Variants in RNF130 observed in about 807,000 individuals in gnomAD.
RNF130 encodes the protein ring finger protein 130.
A neutral mutation model predicts 44.6 loss-of-function variants in RNF130; 21 were observed. That is an observed-to-expected ratio of 0.47 (90% CI 0.33 to 0.68). The LOEUF (loss-of-function observed/expected upper bound fraction) is 0.68. Ranked by LOEUF, RNF130 falls within the 30% of genes least tolerant of loss-of-function variation. The pLI, the probability that RNF130 is intolerant of heterozygous loss-of-function variation, is 0.02. For synonymous variants in RNF130, 214 were observed against 210.4 expected (o/e 1.02, Z -0.15); for missense variants, 479 against 560.6 (o/e 0.85, Z 1.47).
intron 1 of RNF130, among the ~76,000 whole-genome samples, chr5:180,044,532 C>T (rs75377277): frequency 0.017 from 2,580 of 152,186 alleles, 79 homozygotes; most frequent in African/African-American, 0.06. Flanking sequence ...TTGCTCTTGA[C>T]TCTTAAAGAG....
chr5:180,058,322 A>G (rs1411837509), intron 1 of RNF130, among the ~76,000 whole-genome samples: 1 of 152,190 alleles, frequency 6.6e-6, no homozygotes, highest in Non-Finnish European at 1.5e-5. Context: ...GCTGGTAAAA[A>G]TGTGTGCTAA....
rs568168663 is a variant in RNF130, at chr5:180,030,574, T to G, written c.442+9879A>C. On this transcript the variant is annotated intron_variant, in intron 2 of 8. Transcript: ENST00000521389. ...TTTTTAAAAGATGGGGGTTTTGCTG[T>G]GTTGCCCAGGCTTAGACTTGACCTC... Among the ~76,000 whole-genome samples, 59 of 152,302 alleles carry G rather than the reference T, an allele frequency of 3.9e-4. 1 individual carries two copies. The South Asian group carries it at 0.012, about 31-fold the overall frequency.
chr5:180,055,492 C>T (rs1261759907), intron 1 of RNF130, among the ~76,000 whole-genome samples: 1 of 151,462 alleles, frequency 6.6e-6, no homozygotes, highest in African/African-American at 2.4e-5. Context: ...GCGTATGTGT[C>T]TGTGTGTCTG....
chr5:180,052,396 C>A (rs1764707527), intron 1 of RNF130, among the ~76,000 whole-genome samples: 1 of 152,174 alleles, frequency 6.6e-6, no homozygotes, highest in African/African-American at 2.4e-5. Context: ...TGTTGGAAAC[C>A]AAGTGGCCAT....
chr5:179,912,411 T>G (rs989500782), exon 8 of RNF130: 3 of 152,254 alleles, frequency 2.0e-5, no homozygotes, highest in Non-Finnish European at 2.9e-5. Flanking sequence ...AGTTTTCTTT[T>G]TAGACAGAGT....
In RNF130 at chr5:180,038,194, A is replaced by G. The variant is rs1042664793; in HGVS notation, c.442+2259T>C. 3.3e-5 allele frequency among the ~76,000 whole-genome samples: 5 copies of G among 151,998 alleles called. No homozygotes were observed. The South Asian group carries it at 1.0e-3, about 32-fold the overall frequency. ...CCAAGCCGCCCAAGCAGCTGGGACTACAGGAATGCACCATCACACCTGCTA... is the reference window on the plus strand; with the variant it reads ...CCAAGCCGCCCAAGCAGCTGGGACTGCAGGAATGCACCATCACACCTGCTA... On this transcript the variant is annotated intron_variant, in intron 2 of 8. Transcript: ENST00000521389.
intron 1 of RNF130, among the ~76,000 whole-genome samples, chr5:180,052,262 T>C (rs1040616402): frequency 3.9e-5 from 6 of 152,236 alleles, no homozygotes; most frequent in Non-Finnish European, 8.8e-5. Flanking sequence ...ACCTGCCTGC[T>C]TGACATTTCT....
chr5:179,956,267 T>A (rs938950871), intron 8 of RNF130: 1 of 152,588 alleles, frequency 6.6e-6, no homozygotes, highest in Non-Finnish European at 1.5e-5. Context: ...TTCCTGCTCA[T>A]TTCCAGGGTC....
At position 180,013,461 on chromosome 5, in the gene RNF130, C is replaced by G; in HGVS notation, c.443-150G>C. On this transcript the variant is annotated intron_variant, in intron 2 of 8. Coordinates refer to ENST00000521389, the MANE Select transcript of RNF130 (RefSeq NM_018434.6). ...CTTCTCAACTGAAATGTAGATGCAGCTGGGTATGCTGGCACCAAGTAGGAA... is the reference window on the plus strand; with the variant it reads ...CTTCTCAACTGAAATGTAGATGCAGGTGGGTATGCTGGCACCAAGTAGGAA... 6 of 676,846 alleles carry G rather than the reference C, an allele frequency of 8.9e-6. No individual in the cohort carries two copies. In the South Asian group the frequency reaches 1.2e-4, roughly 14 times the overall value. 41.9% of individuals were successfully genotyped at this position (676,846 alleles called of 1,614,324 possible).
chr5:179,941,548 G>GCT (rs1761968689), intron 7 of RNF130, among the ~76,000 whole-genome samples: 1 of 151,972 alleles, frequency 6.6e-6, no homozygotes, highest in Non-Finnish European at 1.5e-5. Context: ...GACTGCTTGA[G>GCT]CTCTCCTTCT....
rs536331503 is a variant in RNF130 at position 180,016,334 on chromosome 5, GC to G, written c.443-3024del. Among the ~76,000 whole-genome samples the G allele has an allele frequency of 1.5e-4, 10 of 68,556 alleles. No individual in the cohort carries two copies. The East Asian group carries it at 3.6e-3, about 25-fold the overall frequency. 45.0% of individuals were successfully genotyped at this position (68,556 alleles called of 152,430 possible). A position where few individuals can be genotyped will look rare whatever the true frequency, so the allele number is the denominator to read the frequency against. ...ACTTTTAAGGATCTGAGGAGCTCTG[GC>G]CCAGTTTCACGCCAAAGGAAATGTA... is the stretch of plus-strand genomic sequence containing the variant. On this transcript the variant is annotated intron_variant, in intron 2 of 8. Transcript: ENST00000521389.
At chr5:180,018,219 AG>A (rs1212201768) in intron 2 of RNF130, among the ~76,000 whole-genome samples, 3 of 151,726 alleles carry the variant, frequency 2.0e-5, no homozygotes, top group Non-Finnish European at 4.4e-5. Context: ...TGCTTGAACA[AG>A]GGTGGTGGAG....
chr5:179,941,713 T>G (rs1242436208), intron 7 of RNF130, among the ~76,000 whole-genome samples: 1 of 152,236 alleles, frequency 6.6e-6, no homozygotes, highest in Non-Finnish European at 1.5e-5. Context: ...TGATAGCTCT[T>G]TAATTTCTTA....
intron 1 of RNF130, among the ~76,000 whole-genome samples, chr5:180,053,124 A>G (rs1336863542): frequency 6.6e-6 from 1 of 152,226 alleles, no homozygotes; most frequent in Non-Finnish European, 1.5e-5. Context: ...GCCGAGGTCA[A>G]CTGGCCAAAT....
intron 3 of RNF130, among the ~76,000 whole-genome samples, chr5:179,984,046 T>A (rs769882175): frequency 2.0e-5 from 3 of 152,172 alleles, no homozygotes; most frequent in Non-Finnish European, 4.4e-5. Context: ...ATCTGCTTGA[T>A]GAAAATGCAT....
chr5:180,054,373 T>A (rs947203058), intron 1 of RNF130, among the ~76,000 whole-genome samples: 1 of 152,216 alleles, frequency 6.6e-6, no homozygotes. Context: ...CCCCGTGGCA[T>A]GTCACCCTCC....
chr5:179,947,781 AG>A (rs2113687074), intron 7 of RNF130, among the ~76,000 whole-genome samples: 1 of 152,354 alleles, frequency 6.6e-6, no homozygotes, highest in African/African-American at 2.4e-5. Flanking sequence ...AGTATATAGT[AG>A]GTATACATTG....
At chr5:179,973,635 C>T (rs185153617) in intron 5 of RNF130, among the ~76,000 whole-genome samples, 48 of 152,308 alleles carry the variant, frequency 3.2e-4, no homozygotes, top group Admixed American at 8.5e-4. Context: ...CGCCTGACCG[C>T]GCTCACCCTC....
intron 1 of RNF130, among the ~76,000 whole-genome samples, chr5:180,058,825 G>A (rs1447599296): frequency 6.6e-6 from 1 of 152,130 alleles, no homozygotes; most frequent in Admixed American, 6.5e-5. Context: ...GCCTCCCAAA[G>A]TGCTGGGATT....
Sources: allele counts gnomAD v4.1 joint callset (sites outside exome capture counted in the v4.1 genomes callset), GRCh38; gene constraint gnomAD v4.1.1; transcripts MANE v1.5; gene names NCBI Gene and HGNC (gene_info 2026-07-23, HGNC 2026-07-21).